UBE4A: variants seen among roughly 807,000 people sequenced by gnomAD.
The protein encoded by UBE4A is ubiquitination factor E4A.
Under a neutral mutation model 117.9 loss-of-function variants are expected in UBE4A, and 48 were observed. The ratio of observed to expected loss-of-function variants is 0.41; its 90% CI spans 0.32 to 0.52. The LOEUF is 0.52. Ranked by LOEUF, UBE4A falls within the 20% of genes least tolerant of loss-of-function variation. The pLI is 0.33. For synonymous variants in UBE4A, 407 were observed against 450.0 expected (o/e 0.90, Z 1.21); for missense variants, 1,067 against 1,296.3 (o/e 0.82, Z 2.72).
chr11:118,379,414 T>G (rs1158652162), intron 10 of UBE4A, 32 bp from the exon 11 acceptor site: 2 of 1,595,374 alleles, frequency 1.3e-6, no homozygotes, highest in Non-Finnish European at 1.7e-6. Flanking sequence ...CTGTTTTCCC[T>G]GACCCAGTCT....
intron 16 of UBE4A, among the ~76,000 whole-genome samples, chr11:118,389,008 A>T (rs549331346): frequency 2.2e-4 from 34 of 152,186 alleles, no homozygotes; most frequent in African/African-American, 7.9e-4. Context: ...GATGTAAAAC[A>T]GCTGGGCACA....
At chr11:118,378,034 T>G (rs1555125683) in intron 10 of UBE4A, among the ~76,000 whole-genome samples, 1 of 151,812 alleles carries the variant, frequency 6.6e-6, no homozygotes, top group Admixed American at 6.6e-5. Flanking sequence ...GATCACAAGG[T>G]CAGGAGATCA....
intron 2 of UBE4A, among the ~76,000 whole-genome samples, chr11:118,367,061 G>A (rs887651672): frequency 6.6e-6 from 1 of 152,160 alleles, no homozygotes; most frequent in Admixed American, 6.5e-5. Flanking sequence ...AAAATTAGCC[G>A]GGCGTGGTGG....
chr11:118,389,909 C>T lies in UBE4A; in HGVS notation c.2768+4C>T. On this transcript the variant is annotated splice_donor_region_variant and intron_variant, in intron 17 of 19. Coordinates refer to ENST00000252108, the MANE Select transcript of UBE4A (RefSeq NM_001204077.2). ...GCACTATCTACTTAAATCTTGGGTA[C>T]CTGAGATTGAAATCTGTCAAGCCAG... 6.4e-7 allele frequency: 1 copy of T among 1,567,108 alleles called. No individual in the cohort carries two copies. Among genetic ancestry groups the T allele is most frequent in the Non-Finnish European group, 8.7e-7 (1 of 1,145,434 alleles).
chr11:118,395,883 T>G (rs546589776), intron 19 of UBE4A, among the ~76,000 whole-genome samples: 4 of 152,170 alleles, frequency 2.6e-5, no homozygotes, highest in African/African-American at 9.7e-5. Context: ...GAGAGCAGCC[T>G]GGCCAACATG....
intron 18 of UBE4A, among the ~76,000 whole-genome samples, chr11:118,392,099 G>A (rs565664554): frequency 6.6e-6 from 1 of 152,298 alleles, no homozygotes; most frequent in East Asian, 1.9e-4. Context: ...GTATGACAGA[G>A]CTCTATTAGC....
chr11:118,373,394 A>G, intron 7 of UBE4A, 100 bp from the exon 8 acceptor site: 1 of 1,522,214 alleles, frequency 6.6e-7, no homozygotes, highest in Non-Finnish European at 8.9e-7. Flanking sequence ...AGAAAAAGAT[A>G]GCTTGGTTGT....
chr11:118,363,122 C>T (rs1380804500), intron 1 of UBE4A, among the ~76,000 whole-genome samples: 1 of 152,180 alleles, frequency 6.6e-6, no homozygotes, highest in African/African-American at 2.4e-5. Context: ...ACATTAACTA[C>T]AGGTAATAAT....
At chr11:118,363,087 C>T (rs1395896227) in intron 1 of UBE4A, among the ~76,000 whole-genome samples, 2 of 152,124 alleles carry the variant, frequency 1.3e-5, no homozygotes, top group Admixed American at 6.6e-5. Flanking sequence ...GGTCAGCTAA[C>T]AATAAGACAA....
intron 19 of UBE4A, 107 bp from the exon 20 acceptor site, chr11:118,396,207 G>A: frequency 7.2e-7 from 1 of 1,392,920 alleles, no homozygotes; most frequent in East Asian, 2.6e-5. Context: ...AAGTTATAAT[G>A]CACTCTGGCT....
chr11:118,377,164 G>C (rs1948660024), intron 10 of UBE4A, among the ~76,000 whole-genome samples: 1 of 152,178 alleles, frequency 6.6e-6, no homozygotes, highest in Non-Finnish European at 1.5e-5. Context: ...TGTGTTTCAT[G>C]AATCAGCTTT....
chr11:118,389,766 A>C lies in UBE4A; in HGVS notation c.2629A>C (p.Ile877Leu). The change falls in exon 17 of 20, where the codon ATC (isoleucine) becomes CTC (leucine). Residue 877 changes from isoleucine (I) to leucine (L), a missense_variant. Around this residue, in one of 3 missense-constraint regions of UBE4A, gnomAD observed 1,001 missense variants for 1,184.0 expected, o/e 0.85. Coordinates refer to ENST00000252108, the MANE Select transcript of UBE4A (RefSeq NM_001204077.2). The stretch of plus-strand genomic sequence containing the variant: ...TGTGCATCCCTTCCTGGCTGAGCGC[A>C]TCATCTCCATGTTGAACTACTTCCT... ...LFVHPFLAER[I>L]ISMLNYFLQH... 1 of 1,613,600 alleles carries C rather than the reference A, an allele frequency of 6.2e-7. No individual in the cohort carries two copies. The highest frequency in any genetic ancestry group is 8.5e-7 in the Non-Finnish European group (1 of 1,179,538).
At chr11:118,369,648 T>A in intron 4 of UBE4A, 113 bp downstream of exon 4, 2 of 176,216 alleles carry the variant, frequency 1.1e-5, no homozygotes, top group Non-Finnish European at 2.2e-5. Flanking sequence ...CCCTCTCTCT[T>A]TTTTTTTTTT....
Position 118,369,498 on chromosome 11 carries a change from A to C in UBE4A, c.371A>C (p.Glu124Ala), listed in dbSNP as rs202210664. Residue 124 changes from glutamate to alanine, a missense_variant, in exon 4 of 20, where the codon GAA becomes GCA. By Grantham distance (107) the Glu-to-Ala change is moderately radical. Transcript: ENST00000252108. Reference protein sequence around the residue: ...VYLEEMAVELEDQDWLDMSNV... With the variant: ...VYLEEMAVELADQDWLDMSNV... ...TTGGAAGAAATGGCAGTAGAGCTAG[A>C]AGATCAAGACTGGCTTGATATGAGC... 71 of 1,614,128 alleles carry C rather than the reference A, an allele frequency of 4.4e-5. No individual in the cohort carries two copies. Among genetic ancestry groups the C allele is most frequent in the Non-Finnish European group, 5.1e-5 (60 of 1,180,038 alleles).
In UBE4A at chr11:118,376,549, CTT is replaced by C. The variant is rs201730995; in HGVS notation, c.1451-14_1451-13del. 198 of 1,368,298 alleles carry C rather than the reference CTT, an allele frequency of 1.4e-4. No homozygotes were observed. The highest frequency in any genetic ancestry group is 3.9e-4 in the Middle Eastern group (2 of 5,096). 84.8% of individuals were successfully genotyped at this position (1,368,298 alleles called of 1,614,324 possible). A position where few individuals can be genotyped will look rare whatever the true frequency, so the allele number is the denominator to read the frequency against. ...GACTGGAGACCAAGACATTTACCCT[CTT>C]TTTTTTTTTTAACTTCTTTGAGGTT... On this transcript the variant is annotated intron_variant, in intron 9 of 19. Transcript: ENST00000252108.
At position 118,375,250 on chromosome 11, in the gene UBE4A, T is replaced by C. The variant is rs1484999076; in HGVS notation, c.1450+21T>C. 3.2e-6 allele frequency: 5 copies of C among 1,554,546 alleles called. No individual in the cohort carries two copies. In the African/African-American group the frequency reaches 7.0e-5, roughly 22 times the overall value. Reference sequence around the variant, plus strand: ...GAGAGGTAGGAGAGAACCAGGCTTCTCAAAACTGTGTGTGTGTGTGTGTGT... The same window carrying C: ...GAGAGGTAGGAGAGAACCAGGCTTCCCAAAACTGTGTGTGTGTGTGTGTGT... On this transcript the variant is annotated intron_variant, in intron 9 of 19. Coordinates refer to ENST00000252108, the MANE Select transcript of UBE4A (RefSeq NM_001204077.2).
In UBE4A at chr11:118,382,626, G is replaced by T; in HGVS notation, c.2047G>T (p.Val683Leu). ...CCACCTGAGGGCCAAACTAGCAGAG[G>T]TGTTGGAAGCAGTGATGCCCCACCT... ...NPHLRAKLAEVLEAVMPHLDQ... is the reference protein window; with the variant it reads ...NPHLRAKLAELLEAVMPHLDQ... The change falls in exon 13 of 20, where the codon GTG becomes TTG. Residue 683 changes from valine (V) to leucine (L), a missense_variant. Physicochemically the swap from Val to Leu is conservative, Grantham distance 32. Transcript: ENST00000252108. 1 of 1,586,134 alleles carries T rather than the reference G, an allele frequency of 6.3e-7. No homozygotes were observed. Among genetic ancestry groups the T allele is most frequent in the South Asian group, 1.1e-5 (1 of 87,012 alleles).
intron 6 of UBE4A, 67 bp from the exon 7 acceptor site, chr11:118,373,019 G>A: frequency 1.6e-6 from 2 of 1,232,634 alleles, no homozygotes; most frequent in African/African-American, 1.5e-5. Context: ...TGAAAGTAAA[G>A]AGCTAGTGTG....
rs577181021 is a variant in UBE4A, at chr11:118,394,338, T to G, written c.3074+1443T>G. Among the ~76,000 whole-genome samples the G allele has an allele frequency of 5.9e-5, 9 of 152,286 alleles. No homozygotes were observed. The East Asian group carries it at 1.7e-3, about 29-fold the overall frequency. ...GTTCCTGGCTTATTTATTTTTGTATTTTTTGTAGAGAAGGGGTCTCTCCAT... is the reference window on the plus strand; with the variant it reads ...GTTCCTGGCTTATTTATTTTTGTATGTTTTGTAGAGAAGGGGTCTCTCCAT... On this transcript the variant is annotated intron_variant, in intron 19 of 19. Coordinates refer to ENST00000252108, the MANE Select transcript of UBE4A (RefSeq NM_001204077.2).
Sources: gnomAD v4.1 joint callset for allele counts (sites outside exome capture counted in the v4.1 genomes callset) on GRCh38, gnomAD v4.1.1 for gene constraint, gnomAD v4.1.1 regional missense constraint, MANE v1.5 for transcripts, NCBI Gene and HGNC (gene_info 2026-07-23, HGNC 2026-07-21) for gene names.